The following AHCYL2 variants were observed in gnomAD, a reference collection of about 807,000 sequenced individuals.
The protein encoded by AHCYL2 is S-adenosylhomocysteine hydrolase-like protein 2.
A neutral mutation model predicts 81.4 loss-of-function variants in AHCYL2; 28 were observed. The observed-to-expected ratio is 0.34, with a 90% confidence interval of 0.25 to 0.47. The LOEUF is 0.47. Among genes scored for constraint, AHCYL2 ranks in the 20% least tolerant of loss-of-function variants. AHCYL2 has a pLI of 1.00. For synonymous variants in AHCYL2, 272 were observed against 290.2 expected, an observed-to-expected ratio of 0.94 and a Z score of 0.64; for missense variants, 551 against 785.1, an observed-to-expected ratio of 0.70 and a Z score of 3.56.
At chr7:129,260,441 C>T (rs1413847625) in intron 1 of AHCYL2, among the ~76,000 whole-genome samples, 1 of 152,170 alleles carries the variant, frequency 6.6e-6, no homozygotes, top group African/African-American at 2.4e-5. Flanking sequence ...CTTACTTTTC[C>T]TACCCCAGAT....
intron 1 of AHCYL2, among the ~76,000 whole-genome samples, chr7:129,233,136 C>T (rs981080790): frequency 1.3e-5 from 2 of 152,296 alleles, no homozygotes; most frequent in East Asian, 3.9e-4. Flanking sequence ...ATACATTTCT[C>T]TAGTTCACTT....
intron 1 of AHCYL2, among the ~76,000 whole-genome samples, chr7:129,353,038 C>T (rs1584813981): frequency 6.6e-6 from 1 of 150,830 alleles, no homozygotes. Context: ...CTCTGCCTCC[C>T]GGGTTCAAGC....
chr7:129,296,360 TC>T (rs1278982776), intron 1 of AHCYL2, among the ~76,000 whole-genome samples: 1 of 152,086 alleles, frequency 6.6e-6, no homozygotes, highest in Non-Finnish European at 1.5e-5. Flanking sequence ...ATCACAAACA[TC>T]AGGGGAAGAA....
chr7:129,266,207 A>G (rs1584721732), intron 1 of AHCYL2, among the ~76,000 whole-genome samples: 2 of 152,244 alleles, frequency 1.3e-5, no homozygotes, highest in South Asian at 2.1e-4. Context: ...ACTGTTAACA[A>G]TTACAAAGTT....
At position 129,300,219 on chromosome 7, in the gene AHCYL2, C is replaced by T. The variant is rs112051899; in HGVS notation, c.363+74780C>T. ...GACTATAGTTACCCTGTTGTGCTAT[C>T]AGATACCAGATCTTATTCATTCTTC... On this transcript the variant is annotated intron_variant, in intron 1 of 16. Transcript: ENST00000325006. 6.1e-3 allele frequency among the ~76,000 whole-genome samples: 922 copies of T among 152,220 alleles called. 12 individuals carry two copies. The highest frequency in any genetic ancestry group is 0.021 in the African/African-American group (888 of 41,540).
intron 1 of AHCYL2, among the ~76,000 whole-genome samples, chr7:129,243,018 CTTTTTTTTTTT>C (rs769701638): frequency 2.4e-5 from 3 of 125,592 alleles, no homozygotes; most frequent in African/African-American, 9.1e-5. Context: ...TATTGTTTCT[CTTTTTTTTTTT>C]TTTTTTTTTG....
intron 4 of AHCYL2, among the ~76,000 whole-genome samples, chr7:129,393,100 GT>G (rs1264310303): frequency 6.6e-6 from 1 of 152,128 alleles, no homozygotes; most frequent in East Asian, 1.9e-4. Flanking sequence ...CTCTGTAAAA[GT>G]TTTTTTCCCA....
In AHCYL2 at chr7:129,406,433, C is replaced by G. The variant is rs747665650; in HGVS notation, c.1262C>G (p.Thr421Ser). The G allele has an allele frequency of 6.2e-7, 1 of 1,613,922 alleles. No individual in the cohort carries two copies. The highest frequency in any genetic ancestry group is 8.5e-7 in the Non-Finnish European group (1 of 1,180,010). ...GCCATGGGCTCCATTGTGTATGTAA[C>G]TGAAATTGACCCCATCTGTGCCCTG... The part of the protein sequence containing the change: ...LKAMGSIVYV[T>S]EIDPICALQA... The change falls in exon 10 of 17, where the codon ACT becomes AGT. Residue 421 changes from threonine (T) to serine (S), a missense_variant. Physicochemically the swap from Thr to Ser is moderately conservative, Grantham distance 58. This residue lies in a region of AHCYL2 where 316 missense variants were observed against 543.1 expected (regional missense o/e 0.58). Transcript: ENST00000325006. The surrounding 1 kb of genome is among the most constrained non-coding windows in gnomAD (Gnocchi z 4.3).
At chr7:129,418,532 T>A (rs1298156054) in intron 12 of AHCYL2, among the ~76,000 whole-genome samples, 1 of 152,072 alleles carries the variant, frequency 6.6e-6, no homozygotes, top group Admixed American at 6.5e-5. Flanking sequence ...ATCTCCTGAC[T>A]TCGTGACCCA....
At chr7:129,272,083 A>T (rs1302056455) in intron 1 of AHCYL2, among the ~76,000 whole-genome samples, 1 of 152,206 alleles carries the variant, frequency 6.6e-6, no homozygotes, top group African/African-American at 2.4e-5. Flanking sequence ...CTATTTGAAC[A>T]TTCTCTTTTG....
At chr7:129,304,169 A>G (rs1217058494) in intron 1 of AHCYL2, among the ~76,000 whole-genome samples, 1 of 152,214 alleles carries the variant, frequency 6.6e-6, no homozygotes, top group African/African-American at 2.4e-5. Flanking sequence ...ATTTGTTTCA[A>G]GAAATTCCTT....
chr7:129,270,900 T>G lies in AHCYL2; in HGVS notation c.363+45461T>G, dbSNP rs148162347. On this transcript the variant is annotated intron_variant, in intron 1 of 16. Transcript: ENST00000325006. Reference sequence around the variant, plus strand: ...TTCACATAGGTTCAGTTTAGAATGTTCCTCTTTTTCTGCAGTCCAGGAAAC... The same window carrying G: ...TTCACATAGGTTCAGTTTAGAATGTGCCTCTTTTTCTGCAGTCCAGGAAAC... Among the ~76,000 whole-genome samples the G allele has an allele frequency of 8.8e-3, 1,343 of 152,262 alleles. 12 individuals are homozygous for G. Among genetic ancestry groups the G allele is most frequent in the Non-Finnish European group, 0.012 (790 of 68,018 alleles).
At chr7:129,346,433 A>T (rs1793363592) in intron 1 of AHCYL2, among the ~76,000 whole-genome samples, 1 of 152,180 alleles carries the variant, frequency 6.6e-6, no homozygotes, top group African/African-American at 2.4e-5. Flanking sequence ...AGCTCTTAAT[A>T]ATAAGGACAC....
At chr7:129,312,697 G>A (rs1051605690) in intron 1 of AHCYL2, among the ~76,000 whole-genome samples, 2 of 152,022 alleles carry the variant, frequency 1.3e-5, no homozygotes, top group East Asian at 1.9e-4. Flanking sequence ...AAAAATTGAG[G>A]TGTAAAATAC....
At chr7:129,229,061 CTTTTTTTTT>C (rs59291148) in intron 1 of AHCYL2, among the ~76,000 whole-genome samples, 123 of 144,584 alleles carry the variant, frequency 8.5e-4, no homozygotes, top group East Asian at 1.2e-3. Context: ...AATAATTAGC[CTTTTTTTTT>C]TTTTTTTTTT....
intron 1 of AHCYL2, among the ~76,000 whole-genome samples, chr7:129,301,526 T>C (rs1036167445): frequency 3.9e-5 from 6 of 152,190 alleles, no homozygotes; most frequent in African/African-American, 1.4e-4. Flanking sequence ...TCTATTTTTA[T>C]TTGATTTTTG....
intron 2 of AHCYL2, among the ~76,000 whole-genome samples, chr7:129,382,463 C>T (rs1055125068): frequency 5.3e-5 from 8 of 151,994 alleles, no homozygotes; most frequent in African/African-American, 9.7e-5. Flanking sequence ...AGCCAGGCGT[C>T]GTGGCGCATG....
intron 1 of AHCYL2, among the ~76,000 whole-genome samples, chr7:129,364,583 G>A (rs943357464): frequency 3.9e-5 from 6 of 152,188 alleles, no homozygotes; most frequent in East Asian, 1.9e-4. Flanking sequence ...GAGCCACTGC[G>A]CCCAGCTTCT....
At chr7:129,381,173 G>A (rs953098599) in intron 2 of AHCYL2, among the ~76,000 whole-genome samples, 6 of 152,116 alleles carry the variant, frequency 3.9e-5, no homozygotes, top group Non-Finnish European at 7.4e-5. Flanking sequence ...GTGGGTTTGT[G>A]CATGTTATCT....
Sources: gnomAD v4.1 joint callset for allele counts (sites outside exome capture counted in the v4.1 genomes callset) on GRCh38, gnomAD v4.1.1 for gene constraint, gnomAD v4.1.1 regional missense constraint, Gnocchi (gnomAD v3.1) non-coding constraint, MANE v1.5 for transcripts, NCBI Gene and HGNC (gene_info 2026-07-23, HGNC 2026-07-21) for gene names.